NTM: variants seen among roughly 807,000 people sequenced by gnomAD.
NTM encodes IgLON family member 2.
NTM carries 13 observed loss-of-function variants against 42.1 expected under a neutral mutation model. That is an observed-to-expected ratio of 0.31 (90% confidence interval 0.20 to 0.49). NTM has a LOEUF of 0.49. Among genes scored for constraint, NTM ranks in the 20% least tolerant of loss-of-function variants. The pLI, the probability that NTM is intolerant of heterozygous loss-of-function variation, is 0.99. For missense variants in NTM, 373 were observed against 452.8 expected (o/e 0.82, Z 1.60); for synonymous variants, 187 against 179.2 (o/e 1.04, Z -0.35).
intron 1 of NTM, among the ~76,000 whole-genome samples, chr11:131,834,317 C>T (rs565233969): frequency 6.6e-6 from 1 of 152,218 alleles, no homozygotes; most frequent in African/African-American, 2.4e-5. Flanking sequence ...CATCTATGGG[C>T]TTAACTATGA....
chr11:131,796,323 G>A, intron 1 of NTM: 1 of 249,156 alleles, frequency 4.0e-6, no homozygotes, highest in South Asian at 1.5e-4. Context: ...GCAGGAGGCA[G>A]GAGGGTCACG....
chr11:132,014,103 C>T (rs1463974297), intron 2 of NTM, among the ~76,000 whole-genome samples: 2 of 151,992 alleles, frequency 1.3e-5, no homozygotes, highest in African/African-American at 4.8e-5. Flanking sequence ...TCTCTACCTC[C>T]GTGAGATTTT....
intron 3 of NTM, among the ~76,000 whole-genome samples, chr11:132,183,370 G>A (rs895474110): frequency 9.2e-5 from 14 of 152,092 alleles, no homozygotes; most frequent in East Asian, 5.8e-4. Context: ...TGCTTTCATC[G>A]TTTCCACTTT....
chr11:131,893,594 A>C (rs978474223), intron 1 of NTM, among the ~76,000 whole-genome samples: 15 of 152,216 alleles, frequency 9.9e-5, no homozygotes, highest in African/African-American at 3.4e-4. Flanking sequence ...GAGTGAAGGA[A>C]TCTCAAAGTA....
intron 4 of NTM, among the ~76,000 whole-genome samples, chr11:132,232,194 C>T (rs1372751846): frequency 2.0e-5 from 3 of 152,138 alleles, no homozygotes; most frequent in African/African-American, 7.2e-5. Context: ...TGACTATAAA[C>T]TTCCCACTGT....
chr11:131,497,945 T>G (rs917324013), intron 1 of NTM, among the ~76,000 whole-genome samples: 7 of 152,100 alleles, frequency 4.6e-5, no homozygotes, highest in African/African-American at 1.7e-4. Context: ...AAATAGCCAG[T>G]CAGAATTAGC....
At chr11:132,032,844 GTT>G (rs2076092451) in intron 2 of NTM, among the ~76,000 whole-genome samples, 1 of 152,168 alleles carries the variant, frequency 6.6e-6, no homozygotes, top group Non-Finnish European at 1.5e-5. Flanking sequence ...TTATGTTGAT[GTT>G]ATGTGTATAT....
chr11:132,319,440 G>C (rs558189266), intron 7 of NTM, among the ~76,000 whole-genome samples: 1 of 152,288 alleles, frequency 6.6e-6, no homozygotes, highest in Admixed American at 6.5e-5. Context: ...CTTTTCCAAC[G>C]GGCTTAAAAA....
chr11:131,617,253 T>C (rs557774939), intron 1 of NTM, among the ~76,000 whole-genome samples: 5 of 152,176 alleles, frequency 3.3e-5, no homozygotes, highest in African/African-American at 1.2e-4. Flanking sequence ...TAGGGTGACG[T>C]GGCTACAGAG....
intron 1 of NTM, chr11:131,538,059 A>C (rs1591980368): frequency 6.6e-6 from 1 of 152,234 alleles, no homozygotes; most frequent in East Asian, 1.9e-4. Flanking sequence ...GAGAACACTC[A>C]CTATTTTCTC....
chr11:131,820,442 T>C (rs1015470431), intron 1 of NTM, among the ~76,000 whole-genome samples: 1 of 152,222 alleles, frequency 6.6e-6, no homozygotes, highest in African/African-American at 2.4e-5. Context: ...CTTTTCATTT[T>C]TAAATATGTA....
intron 4 of NTM, among the ~76,000 whole-genome samples, chr11:132,267,587 G>A (rs1377325611): frequency 6.6e-6 from 1 of 151,588 alleles, no homozygotes; most frequent in Non-Finnish European, 1.5e-5. Context: ...AGGCCGAGGT[G>A]GGTGGATCAC....
At chr11:132,195,015 G>A (rs561375923) in intron 3 of NTM, among the ~76,000 whole-genome samples, 2 of 151,774 alleles carry the variant, frequency 1.3e-5, no homozygotes, top group South Asian at 4.2e-4. Flanking sequence ...TAGAGATGGG[G>A]TTTCACCATG....
chr11:132,249,541 T>C (rs2091681661), intron 4 of NTM, among the ~76,000 whole-genome samples: 1 of 152,216 alleles, frequency 6.6e-6, no homozygotes, highest in African/African-American at 2.4e-5. Context: ...CCTGGAGAAA[T>C]TGTCTCTTGA....
intron 1 of NTM, among the ~76,000 whole-genome samples, chr11:131,454,127 A>C (rs780090939): frequency 6.6e-5 from 10 of 152,238 alleles, no homozygotes; most frequent in Non-Finnish European, 1.3e-4. Flanking sequence ...AGTTACCTGC[A>C]GTACAGTATA....
chr11:132,024,564 G>T (rs562747), intron 2 of NTM, among the ~76,000 whole-genome samples: 15,803 of 152,112 alleles, frequency 0.1, 1,253 homozygotes, highest in African/African-American at 0.21. Flanking sequence ...ATCCCCAGTT[G>T]GTTGAATCTA....
At chr11:131,833,635 T>C (rs1436257) in intron 1 of NTM, among the ~76,000 whole-genome samples, 108,586 of 151,996 alleles carry the variant, frequency 0.71, 39,439 homozygotes, top group East Asian at 0.86. Context: ...TTTCAAATAG[T>C]ATTCAGTGAC....
intron 2 of NTM, among the ~76,000 whole-genome samples, chr11:131,974,136 T>C (rs918904465): frequency 6.6e-6 from 1 of 152,240 alleles, no homozygotes; most frequent in Non-Finnish European, 1.5e-5. Flanking sequence ...AAAATATGTG[T>C]TAATTGACTG....
At chr11:131,776,427 CGGGCTCAGTAGGCACTT>C (rs761004491) in intron 1 of NTM, among the ~76,000 whole-genome samples, 1 of 152,200 alleles carries the variant, frequency 6.6e-6, no homozygotes. Flanking sequence ...CTGAGAAGCA[CGGGCTCAGTAGGCACTT>C]GGTCTGCCTT....
Sources: gnomAD v4.1 joint callset for allele counts (sites outside exome capture counted in the v4.1 genomes callset) on GRCh38, gnomAD v4.1.1 for gene constraint, MANE v1.5 for transcripts, NCBI Gene and HGNC (gene_info 2026-07-23, HGNC 2026-07-21) for gene names.